Variants in DPP10 observed in about 807,000 individuals in gnomAD.
The protein encoded by DPP10 is dipeptidyl peptidase like 10.
A neutral mutation model predicts 120.9 loss-of-function variants in DPP10; 33 were observed. The ratio of observed to expected loss-of-function variants is 0.27; its 90% CI spans 0.21 to 0.37. DPP10 has a LOEUF of 0.37. DPP10 is among the 10% of genes least tolerant of loss of function. DPP10 has a pLI of 1.00. For missense variants in DPP10, 816 were observed against 942.8 expected (o/e 0.87, Z 1.76); for synonymous variants, 337 against 326.1 (o/e 1.03, Z -0.36).
intron 1 of DPP10, among the ~76,000 whole-genome samples, chr2:115,250,243 C>T (rs780395986): frequency 6.6e-6 from 1 of 152,104 alleles, no homozygotes; most frequent in Non-Finnish European, 1.5e-5. Context: ...CAGATATTTA[C>T]TGAGAGACTG....
chr2:115,484,605 C>A (rs1409816447), intron 3 of DPP10, among the ~76,000 whole-genome samples: 1 of 152,006 alleles, frequency 6.6e-6, no homozygotes, highest in Non-Finnish European at 1.5e-5. Context: ...TGTAGGGATT[C>A]CATATGCTAT....
chr2:115,017,097 A>T (rs1255267679), intron 1 of DPP10, among the ~76,000 whole-genome samples: 5 of 151,216 alleles, frequency 3.3e-5, no homozygotes, highest in Non-Finnish European at 7.4e-5. Flanking sequence ...TAGGAGATAT[A>T]CCTAATGCTA....
chr2:114,827,640 T>A (rs1223177247), intron 1 of DPP10, among the ~76,000 whole-genome samples: 1 of 152,188 alleles, frequency 6.6e-6, no homozygotes, highest in East Asian at 1.9e-4. Context: ...TGTGTGTGCA[T>A]GCATGTGTGT....
At chr2:115,215,812 A>G (rs983456481) in intron 1 of DPP10, among the ~76,000 whole-genome samples, 3 of 152,114 alleles carry the variant, frequency 2.0e-5, no homozygotes, top group Non-Finnish European at 1.5e-5. Context: ...CTGGGTATCT[A>G]CCCCCACAGA....
chr2:115,800,876 C>T (rs1430026287), intron 19 of DPP10, among the ~76,000 whole-genome samples: 1 of 151,920 alleles, frequency 6.6e-6, no homozygotes, highest in Non-Finnish European at 1.5e-5. Context: ...CGTGATGCCT[C>T]CAGCTTTGTT....
At chr2:114,822,365 G>A (rs963658652) in intron 1 of DPP10, among the ~76,000 whole-genome samples, 7 of 152,192 alleles carry the variant, frequency 4.6e-5, no homozygotes, top group African/African-American at 7.2e-5. Context: ...AAGTCCCTAG[G>A]CTGCACACAG....
chr2:115,058,006 G>C (rs1476475381), intron 1 of DPP10, among the ~76,000 whole-genome samples: 1 of 152,152 alleles, frequency 6.6e-6, no homozygotes, highest in Non-Finnish European at 1.5e-5. Context: ...AGAATGCTTT[G>C]AGGGTTAAAA....
At chr2:115,386,148 A>G (rs745375334) in intron 3 of DPP10, among the ~76,000 whole-genome samples, 3 of 152,206 alleles carry the variant, frequency 2.0e-5, no homozygotes, top group African/African-American at 4.8e-5. Flanking sequence ...ATAAAGGAGG[A>G]AAGAGTAATT....
chr2:115,070,555 C>T (rs1284877615), intron 1 of DPP10, among the ~76,000 whole-genome samples: 2 of 152,090 alleles, frequency 1.3e-5, no homozygotes, highest in Non-Finnish European at 2.9e-5. Flanking sequence ...GGGTGTAAAA[C>T]AGTGTTAACT....
At chr2:114,701,496 A>G (rs1362525987) in intron 1 of DPP10, among the ~76,000 whole-genome samples, 2 of 152,138 alleles carry the variant, frequency 1.3e-5, no homozygotes, top group African/African-American at 4.8e-5. Flanking sequence ...ATTTATTATA[A>G]AATATTCTTT....
intron 1 of DPP10, among the ~76,000 whole-genome samples, chr2:114,763,317 T>A (rs977340037): frequency 2.4e-4 from 37 of 152,212 alleles, no homozygotes; most frequent in African/African-American, 8.9e-4. Flanking sequence ...AAGAAACCAC[T>A]GACACGATTT....
chr2:114,599,168 T>C (rs1356405105), intron 1 of DPP10, among the ~76,000 whole-genome samples: 2 of 151,724 alleles, frequency 1.3e-5, no homozygotes, highest in Non-Finnish European at 2.9e-5. Context: ...AAAACTGTTA[T>C]CAAGAAAAAC....
chr2:114,686,507 A>G lies in DPP10; in HGVS notation c.60+243669A>G, dbSNP rs549339188. 3.9e-5 allele frequency among the ~76,000 whole-genome samples: 6 copies of G among 152,048 alleles called. 1 individual carries two copies. In the South Asian group the frequency reaches 1.2e-3, roughly 32 times the overall value. On this transcript the variant is annotated intron_variant, in intron 1 of 25. Transcript: ENST00000410059. ...AGGACATCATAACCCTAGGAATCCT[A>G]GGGTTTTTATCTCTGCTTCTAAGTT...
At chr2:115,499,306 G>A (rs1242438938) in intron 3 of DPP10, among the ~76,000 whole-genome samples, 1 of 151,950 alleles carries the variant, frequency 6.6e-6, no homozygotes, top group Non-Finnish European at 1.5e-5. Flanking sequence ...CTAACCCCTT[G>A]TTCATTGCAC....
chr2:115,462,722 T>C (rs2074066907), intron 3 of DPP10, among the ~76,000 whole-genome samples: 1 of 152,176 alleles, frequency 6.6e-6, no homozygotes, highest in African/African-American at 2.4e-5. Flanking sequence ...TGCTCTGATG[T>C]TTTTTGTTTT....
At chr2:114,475,681 T>G (rs1680314256) in intron 1 of DPP10, among the ~76,000 whole-genome samples, 1 of 152,198 alleles carries the variant, frequency 6.6e-6, no homozygotes, top group African/African-American at 2.4e-5. Flanking sequence ...CCATTTGTAG[T>G]TAATCTATTT....
chr2:115,164,133 AATAG>A (rs2052651987), intron 1 of DPP10, among the ~76,000 whole-genome samples: 1 of 152,140 alleles, frequency 6.6e-6, no homozygotes, highest in Non-Finnish European at 1.5e-5. Flanking sequence ...CATGTGTTCT[AATAG>A]ATTGATTTTA....
At chr2:115,070,271 A>G (rs1462049380) in intron 1 of DPP10, among the ~76,000 whole-genome samples, 1 of 152,136 alleles carries the variant, frequency 6.6e-6, no homozygotes, top group African/African-American at 2.4e-5. Flanking sequence ...TGGTCCTTAA[A>G]TAGCACCAAG....
chr2:114,509,992 A>G (rs1436067143), intron 1 of DPP10, among the ~76,000 whole-genome samples: 1 of 151,980 alleles, frequency 6.6e-6, no homozygotes, highest in African/African-American at 2.4e-5. Flanking sequence ...GGTGGGAAAG[A>G]CTTCATGGAC....
Sources: gnomAD v4.1 joint callset for allele counts (sites outside exome capture counted in the v4.1 genomes callset) on GRCh38, gnomAD v4.1.1 for gene constraint, MANE v1.5 for transcripts, NCBI Gene and HGNC (gene_info 2026-07-23, HGNC 2026-07-21) for gene names.